MYO3A: variants seen among roughly 807,000 people sequenced by gnomAD.
MYO3A encodes myosin IIIA.
In MYO3A, 180 loss-of-function variants were observed where a neutral mutation model predicts 192.7. The observed-to-expected ratio is 0.93, with a 90% CI of 0.83 to 1.06. The LOEUF (loss-of-function observed/expected upper bound fraction) is 1.06, where lower values mean the gene tolerates loss of function less well. MYO3A is among the 50% of genes least tolerant of loss of function. The probability of loss-of-function intolerance (pLI) is 0.00; values close to 1 mark genes in which losing one functional copy is unlikely to be tolerated. For synonymous variants in MYO3A, 628 were observed against 645.3 expected, an observed-to-expected ratio of 0.97 and a Z score of 0.41; for missense variants, 1,896 against 1,905.0, an observed-to-expected ratio of 1.00 and a Z score of 0.09.
At chr10:26,044,588 A>G (rs1208124343) in intron 10 of MYO3A, among the ~76,000 whole-genome samples, 1 of 152,174 alleles carries the variant, frequency 6.6e-6, no homozygotes, top group Admixed American at 6.5e-5. Flanking sequence ...TCATTTTGCC[A>G]AGGATAACAT....
intron 33 of MYO3A, among the ~76,000 whole-genome samples, 157 bp downstream of exon 33, chr10:26,201,462 C>T (rs970023802): frequency 1.3e-5 from 2 of 151,816 alleles, no homozygotes; most frequent in Admixed American, 6.6e-5. Flanking sequence ...GGGTGGATCA[C>T]GAGGTCAGGA....
chr10:26,201,397 T>G, intron 33 of MYO3A, 92 bp downstream of exon 33: 1 of 1,014,686 alleles, frequency 9.9e-7, no homozygotes, highest in South Asian at 1.6e-5. Flanking sequence ...TCACCTATTT[T>G]AGGCCAGGCG....
intron 20 of MYO3A, among the ~76,000 whole-genome samples, chr10:26,136,211 A>T (rs911479674): frequency 6.6e-6 from 1 of 152,178 alleles, no homozygotes; most frequent in South Asian, 2.1e-4. Context: ...GGGTAGGACC[A>T]TAAAAAAGTG....
At chr10:25,953,342 ATTT>A (rs990557659) in intron 3 of MYO3A, among the ~76,000 whole-genome samples, 1 of 151,926 alleles carries the variant, frequency 6.6e-6, no homozygotes, top group Non-Finnish European at 1.5e-5. Flanking sequence ...CTTCCATATT[ATTT>A]TGAGCAGAGG....
chr10:26,001,386 TGGG>T (rs549021545), intron 6 of MYO3A, among the ~76,000 whole-genome samples: 3,355 of 131,716 alleles, frequency 0.025, 127 homozygotes, highest in African/African-American at 0.097. Flanking sequence ...ATAAGGGGGG[TGGG>T]TGTACAGTGA....
intron 4 of MYO3A, among the ~76,000 whole-genome samples, chr10:25,991,357 G>T: frequency 6.6e-6 from 1 of 152,068 alleles, no homozygotes. Flanking sequence ...TGTTGATGGG[G>T]TTGTTTGTTT....
intron 10 of MYO3A, among the ~76,000 whole-genome samples, chr10:26,037,183 G>A (rs1843081721): frequency 6.6e-6 from 1 of 152,194 alleles, no homozygotes; most frequent in Non-Finnish European, 1.5e-5. Context: ...TACAATGTTA[G>A]CAGTCACCAG....
chr10:25,997,825 G>A (rs1345690887), intron 6 of MYO3A, among the ~76,000 whole-genome samples: 1 of 152,212 alleles, frequency 6.6e-6, no homozygotes, highest in African/African-American at 2.4e-5. Flanking sequence ...AAGAATGGGG[G>A]TGTTTGATAA....
At chr10:26,111,560 C>T (rs1440826611) in intron 17 of MYO3A, among the ~76,000 whole-genome samples, 1 of 152,200 alleles carries the variant, frequency 6.6e-6, no homozygotes, top group African/African-American at 2.4e-5. Context: ...TCTCCTCCCT[C>T]AGTCCTCCCT....
chr10:25,983,021 G>A (rs1839427282), intron 4 of MYO3A, among the ~76,000 whole-genome samples: 1 of 152,036 alleles, frequency 6.6e-6, no homozygotes, highest in South Asian at 2.1e-4. Flanking sequence ...GATAGGTGGA[G>A]TCCAACTTAA....
chr10:26,087,921 C>A (rs1014169940), intron 14 of MYO3A, among the ~76,000 whole-genome samples: 11 of 152,164 alleles, frequency 7.2e-5, no homozygotes, highest in African/African-American at 2.4e-4. Flanking sequence ...CTTCAATGTG[C>A]GTAGGCTGCT....
At chr10:25,950,347 G>A (rs1837131799) in intron 2 of MYO3A, among the ~76,000 whole-genome samples, 1 of 152,012 alleles carries the variant, frequency 6.6e-6, no homozygotes, top group African/African-American at 2.4e-5. Context: ...TGTAAAATTT[G>A]GTAGGAGAAG....
chr10:26,129,378 C>T, intron 20 of MYO3A, among the ~76,000 whole-genome samples: 1 of 152,160 alleles, frequency 6.6e-6, no homozygotes, highest in East Asian at 1.9e-4. Context: ...TCATCTATCC[C>T]AGGATGTTCC....
intron 33 of MYO3A, among the ~76,000 whole-genome samples, chr10:26,202,366 A>T (rs928356131): frequency 2.6e-5 from 4 of 152,236 alleles, no homozygotes; most frequent in Admixed American, 6.5e-5. Context: ...GTCCCAGAGC[A>T]CCATAGGAAC....
chr10:26,017,563 G>A (rs907814507), intron 7 of MYO3A, among the ~76,000 whole-genome samples: 8 of 152,114 alleles, frequency 5.3e-5, no homozygotes, highest in African/African-American at 1.4e-4. Context: ...GGAGTGAAGG[G>A]AGGAGAAGTA....
intron 20 of MYO3A, among the ~76,000 whole-genome samples, chr10:26,141,532 G>C (rs1406859907): frequency 6.6e-6 from 1 of 152,138 alleles, no homozygotes; most frequent in Non-Finnish European, 1.5e-5. Context: ...AGTGGATTTT[G>C]ACACAGGCAA....
At chr10:26,078,103 T>G (rs963536461) in intron 14 of MYO3A, among the ~76,000 whole-genome samples, 4 of 150,400 alleles carry the variant, frequency 2.7e-5, no homozygotes, top group Admixed American at 6.6e-5. Context: ...CTGGTAGAAT[T>G]CTGCTGTGAA....
At chr10:26,075,732 T>C (rs1490809930) in intron 14 of MYO3A, among the ~76,000 whole-genome samples, 1 of 145,122 alleles carries the variant, frequency 6.9e-6, no homozygotes, top group Admixed American at 6.9e-5. Flanking sequence ...ATATGATATA[T>C]ATGTCTCTCA....
intron 20 of MYO3A, among the ~76,000 whole-genome samples, chr10:26,134,396 T>C (rs1564581820): frequency 1.3e-5 from 2 of 152,074 alleles, no homozygotes; most frequent in Non-Finnish European, 2.9e-5. Flanking sequence ...AAATAGAAAA[T>C]ACAGGAAGAA....
Sources: allele counts gnomAD v4.1 joint callset (sites outside exome capture counted in the v4.1 genomes callset), GRCh38; gene constraint gnomAD v4.1.1; transcripts MANE v1.5; gene names NCBI Gene and HGNC (gene_info 2026-07-23, HGNC 2026-07-21).